CPNE4: variants seen among roughly 807,000 people sequenced by gnomAD.
CPNE4 encodes copine-4.
Under a neutral mutation model 67.9 loss-of-function variants are expected in CPNE4, and 25 were observed. The ratio of observed to expected loss-of-function variants is 0.37; its 90% CI spans 0.27 to 0.51. CPNE4 has a LOEUF of 0.51. Among genes scored for constraint, CPNE4 ranks in the 20% least tolerant of loss-of-function variants. CPNE4 has a pLI of 0.93. For synonymous variants in CPNE4, 242 were observed against 244.9 expected (o/e 0.99, Z 0.11); for missense variants, 464 against 690.8 (o/e 0.67, Z 3.68).
At chr3:132,000,570 A>C (rs547247221) in intron 1 of CPNE4, among the ~76,000 whole-genome samples, 2 of 151,834 alleles carry the variant, frequency 1.3e-5, no homozygotes, top group African/African-American at 4.8e-5. Context: ...AAAGCAAGGA[A>C]GAAGGCCATA....
intron 1 of CPNE4, among the ~76,000 whole-genome samples, chr3:131,955,322 G>C (rs1319631580): frequency 6.8e-6 from 1 of 147,650 alleles, no homozygotes; most frequent in Non-Finnish European, 1.5e-5. Flanking sequence ...TTCTTAGTTG[G>C]TTAAGAGGTT....
chr3:131,921,433 C>G (rs1051010917), intron 1 of CPNE4, among the ~76,000 whole-genome samples: 5 of 152,196 alleles, frequency 3.3e-5, no homozygotes, highest in African/African-American at 1.2e-4. Flanking sequence ...AATACTTGAT[C>G]GTGTGCCATG....
At chr3:131,975,420 T>C (rs1045194156) in intron 1 of CPNE4, among the ~76,000 whole-genome samples, 1 of 152,146 alleles carries the variant, frequency 6.6e-6, no homozygotes, top group African/African-American at 2.4e-5. Flanking sequence ...ACTTTGGGAA[T>C]GGGGAGGATT....
At chr3:131,651,421 TGATA>T (rs1485563367) in intron 7 of CPNE4, among the ~76,000 whole-genome samples, 1 of 152,240 alleles carries the variant, frequency 6.6e-6, no homozygotes, top group African/African-American at 2.4e-5. Flanking sequence ...TTACTGAAGA[TGATA>T]GATAAACACA....
chr3:131,761,507 G>A (rs944284575), intron 2 of CPNE4, among the ~76,000 whole-genome samples: 14 of 152,060 alleles, frequency 9.2e-5, no homozygotes, highest in Non-Finnish European at 8.8e-5. Context: ...TGGGTAGTAC[G>A]GGACAAAAAG....
At chr3:131,860,850 G>A (rs938857858) in intron 2 of CPNE4, among the ~76,000 whole-genome samples, 1 of 152,132 alleles carries the variant, frequency 6.6e-6, no homozygotes, top group Non-Finnish European at 1.5e-5. Flanking sequence ...GTTGAGTTTG[G>A]CTTTGCATAA....
intron 1 of CPNE4, among the ~76,000 whole-genome samples, chr3:131,941,845 A>AT (rs2071398168): frequency 1.3e-5 from 2 of 152,122 alleles, no homozygotes; most frequent in South Asian, 4.1e-4. Context: ...CTTTGACAAT[A>AT]TAAGACTTTA....
At chr3:131,798,300 C>A (rs2083976271) in intron 2 of CPNE4, among the ~76,000 whole-genome samples, 1 of 152,134 alleles carries the variant, frequency 6.6e-6, no homozygotes, top group Non-Finnish European at 1.5e-5. Flanking sequence ...TCAGAGGCCT[C>A]ACTCACAAGT....
intron 1 of CPNE4, among the ~76,000 whole-genome samples, chr3:131,980,028 T>C (rs1445521757): frequency 6.6e-6 from 1 of 152,190 alleles, no homozygotes; most frequent in Non-Finnish European, 1.5e-5. Flanking sequence ...AGGGCCTCAA[T>C]CCCTTCTGGC....
chr3:131,687,441 T>A (rs746540330), intron 5 of CPNE4, among the ~76,000 whole-genome samples: 3 of 152,210 alleles, frequency 2.0e-5, no homozygotes, highest in Non-Finnish European at 4.4e-5. Context: ...TAGGAGGCTA[T>A]CTGAGCAAAA....
chr3:132,036,169 G>A (rs1045989244), upstream of CPNE4, among the ~76,000 whole-genome samples: 3 of 152,104 alleles, frequency 2.0e-5, no homozygotes, highest in Admixed American at 6.5e-5. Context: ...TCTGAAATAG[G>A]ATAACACTAA....
chr3:131,767,395 A>G (rs1049300808), intron 2 of CPNE4, among the ~76,000 whole-genome samples: 2 of 152,098 alleles, frequency 1.3e-5, no homozygotes, highest in Admixed American at 6.6e-5. Context: ...CAGAAAACTG[A>G]AGAAAACCAG....
intron 2 of CPNE4, among the ~76,000 whole-genome samples, chr3:131,877,477 A>C (rs1233415926): frequency 6.6e-6 from 1 of 152,154 alleles, no homozygotes; most frequent in Non-Finnish European, 1.5e-5. Flanking sequence ...TAGTTTTCTG[A>C]TACTCGTAGC....
intron 1 of CPNE4, among the ~76,000 whole-genome samples, chr3:131,924,331 C>A (rs925000890): frequency 2.6e-5 from 4 of 152,102 alleles, no homozygotes; most frequent in Admixed American, 1.3e-4. Context: ...TGAGTCATAC[C>A]ACTCAATTCA....
At chr3:131,870,219 C>T (rs749090255) in intron 2 of CPNE4, among the ~76,000 whole-genome samples, 8 of 152,196 alleles carry the variant, frequency 5.3e-5, no homozygotes, top group Non-Finnish European at 1.2e-4. Flanking sequence ...AGGCAAAACA[C>T]TTCCACTTAT....
chr3:131,841,225 A>G (rs900416761), intron 2 of CPNE4, among the ~76,000 whole-genome samples: 21 of 152,236 alleles, frequency 1.4e-4, no homozygotes, highest in African/African-American at 5.1e-4. Context: ...CTTCCAAAGA[A>G]GTATAAACTG....
chr3:131,943,807 A>G (rs575584301), intron 1 of CPNE4, among the ~76,000 whole-genome samples: 1 of 152,222 alleles, frequency 6.6e-6, no homozygotes, highest in East Asian at 1.9e-4. Flanking sequence ...ATTGTTTAGT[A>G]TGATGTACAA....
intron 2 of CPNE4, among the ~76,000 whole-genome samples, chr3:131,874,212 C>G (rs147512990): frequency 0.02 from 3,094 of 152,114 alleles, 97 homozygotes; most frequent in African/African-American, 0.069. Context: ...CCTCAGCCCC[C>G]CGAGTAGCTG....
chr3:131,871,265 G>C (rs779750911), intron 2 of CPNE4, among the ~76,000 whole-genome samples: 12 of 152,150 alleles, frequency 7.9e-5, no homozygotes, highest in Admixed American at 3.3e-4. Flanking sequence ...ATGACTTCCT[G>C]TGCCCTGGAA....
Sources: gnomAD v4.1 joint callset for allele counts (sites outside exome capture counted in the v4.1 genomes callset) on GRCh38, gnomAD v4.1.1 for gene constraint, MANE v1.5 for transcripts, NCBI Gene and HGNC (gene_info 2026-07-23, HGNC 2026-07-21) for gene names.